The following FMN1 variants were observed in gnomAD, a reference collection of about 807,000 sequenced individuals.
The protein encoded by FMN1 is formin-1.
A neutral mutation model predicts 132.4 loss-of-function variants in FMN1; 110 were observed. That is an observed-to-expected ratio of 0.83 (90% CI 0.71 to 0.97). FMN1 has a LOEUF of 0.97. Ranked by LOEUF, FMN1 falls within the 50% of genes least tolerant of loss-of-function variation. The pLI, the probability that FMN1 is intolerant of heterozygous loss-of-function variation, is 0.00. For missense variants in FMN1, 1,792 were observed against 1,705.3 expected (o/e 1.05, Z -0.90); for synonymous variants, 722 against 651.7 (o/e 1.11, Z -1.64).
intron 6 of FMN1, among the ~76,000 whole-genome samples, chr15:33,047,196 A>G (rs896908449): frequency 1.3e-5 from 2 of 152,148 alleles, no homozygotes; most frequent in African/African-American, 4.8e-5. Flanking sequence ...CCCCACCATG[A>G]GCATCTTCTA....
At chr15:32,930,730 C>T (rs891698179) in intron 9 of FMN1, among the ~76,000 whole-genome samples, 5 of 149,872 alleles carry the variant, frequency 3.3e-5, no homozygotes, top group Admixed American at 6.6e-5. Context: ...TGGGGGGGGG[C>T]GGTCTATGCT....
At chr15:32,830,466 G>C (rs2141155029) in intron 17 of FMN1, among the ~76,000 whole-genome samples, 1 of 152,158 alleles carries the variant, frequency 6.6e-6, no homozygotes, top group Admixed American at 6.5e-5. Context: ...AGATGAATTT[G>C]CTTTTATGAA....
At chr15:33,045,417 G>A (rs763916487) in intron 6 of FMN1, among the ~76,000 whole-genome samples, 4 of 152,246 alleles carry the variant, frequency 2.6e-5, no homozygotes, top group Non-Finnish European at 5.9e-5. Flanking sequence ...CCTGGCCACA[G>A]AGGTTTCTGG....
chr15:33,013,735 A>G (rs1372846004), intron 6 of FMN1, among the ~76,000 whole-genome samples: 1 of 152,230 alleles, frequency 6.6e-6, no homozygotes, highest in Non-Finnish European at 1.5e-5. Flanking sequence ...GTAAATGTTG[A>G]GTCCTAACCC....
chr15:33,113,558 A>T (rs1246460860), intron 4 of FMN1, among the ~76,000 whole-genome samples: 2 of 152,076 alleles, frequency 1.3e-5, no homozygotes, highest in Non-Finnish European at 2.9e-5. Flanking sequence ...CCCCATCTTT[A>T]GTCAATACCT....
At chr15:32,823,204 C>T (rs915243412) in intron 17 of FMN1, among the ~76,000 whole-genome samples, 10 of 140,550 alleles carry the variant, frequency 7.1e-5, no homozygotes, top group Non-Finnish European at 1.4e-4. Flanking sequence ...CTCTATCACC[C>T]AGGCTGGAGT....
In FMN1 at chr15:32,910,525, A is replaced by C; in HGVS notation, c.3237T>G (p.Asn1079Lys). 6.4e-7 allele frequency: 1 copy of C among 1,572,430 alleles called. No individual in the cohort carries two copies. The highest frequency in any genetic ancestry group is 8.6e-7 in the Non-Finnish European group (1 of 1,158,148). The change falls in exon 11 of 21, where the codon AAT becomes AAG. Residue 1079 changes from asparagine to lysine, a missense_variant. Physicochemically the swap from Asn to Lys is moderately conservative, Grantham distance 94. Around this residue, in one of 3 missense-constraint regions of FMN1, gnomAD observed 1,150 missense variants for 1,043.1 expected, o/e 1.10. Coordinates refer to ENST00000616417, the MANE Select transcript of FMN1 (RefSeq NM_001277313.2). Reference protein sequence around the residue: ...EMKDIQQAIFNVDDSVVDLET... With the variant: ...EMKDIQQAIFKVDDSVVDLET... Reference sequence around the variant, plus strand: ...CCAGATCAACCACGGAGTCATCCACATTGAAAATGGCTGCCAAGCACCCAA... The same window carrying C: ...CCAGATCAACCACGGAGTCATCCACCTTGAAAATGGCTGCCAAGCACCCAA...
At chr15:33,042,947 A>G (rs1282729894) in intron 6 of FMN1, among the ~76,000 whole-genome samples, 3 of 152,044 alleles carry the variant, frequency 2.0e-5, no homozygotes, top group South Asian at 2.1e-4. Context: ...ACATATCCTT[A>G]TCCATAACAC....
chr15:33,126,074 T>C (rs999579676), intron 4 of FMN1, among the ~76,000 whole-genome samples: 8 of 152,126 alleles, frequency 5.3e-5, no homozygotes, highest in Admixed American at 5.2e-4. Context: ...TGAAAGGGCT[T>C]TGCAGGTGAT....
In FMN1 at chr15:32,776,973, GA is replaced by G. The variant is rs879154254; in HGVS notation, c.4131-55del. 2.0e-5 allele frequency: 22 copies of G among 1,075,154 alleles called. No homozygotes were observed. The South Asian group carries it at 2.8e-4, about 13-fold the overall frequency. The allele number at this position is 1,075,154 out of a possible 1,614,324, so 66.6% of individuals were successfully genotyped here. ...GAGAGAGGGAAAAGAAAGGAAGAGGGAAAAGGAAAGAAGAAAAGAGTTAAGG... is the reference window on the plus strand; with the variant it reads ...GAGAGAGGGAAAAGAAAGGAAGAGGGAAAGGAAAGAAGAAAAGAGTTAAGG... On this transcript the variant is annotated intron_variant, in intron 19 of 20. Coordinates refer to ENST00000616417, the MANE Select transcript of FMN1 (RefSeq NM_001277313.2).
At chr15:32,868,550 G>A (rs114292674) in intron 16 of FMN1, among the ~76,000 whole-genome samples, 1,991 of 152,210 alleles carry the variant, frequency 0.013, 27 homozygotes, top group African/African-American at 0.046. Context: ...TATCCCAGTT[G>A]TTAAGTGACA....
chr15:32,940,122 T>C (rs944564036), intron 9 of FMN1, among the ~76,000 whole-genome samples: 51 of 152,150 alleles, frequency 3.4e-4, no homozygotes, highest in African/African-American at 1.1e-3. Context: ...CTGAGAACTA[T>C]AGCCATAAAC....
At position 32,904,949 on chromosome 15, in the gene FMN1, C is replaced by A. The variant is rs75019337; in HGVS notation, c.3378-2909G>T. Among the ~76,000 whole-genome samples, 1,189 of 152,306 alleles carry A rather than the reference C, an allele frequency of 7.8e-3. 13 individuals carry two copies. The highest frequency in any genetic ancestry group is 0.027 in the African/African-American group (1,127 of 41,562). ...TCTTAAATATTCCCAAGCATGGGAT[C>A]TTGGACACTGGGCCTTGGTACTTCT... On this transcript the variant is annotated intron_variant, in intron 12 of 20. Transcript: ENST00000616417.
At position 33,154,606 on chromosome 15, in the gene FMN1, G is replaced by A. The variant is rs1566956940; in HGVS notation, c.309C>T (p.Ser103=). The change falls in exon 4 of 21, where the codon AGC becomes AGT. Residue 103 remains serine (S), a synonymous_variant. Coordinates refer to ENST00000616417, the MANE Select transcript of FMN1 (RefSeq NM_001277313.2). ...TCGTGATCCCCAGGATGTGGTCTGA[G>A]CTCAGGAGATTGGTTAGCAGTCTCT... ...ERERLLTNLL[S]SDHILGITMG... The A allele has an allele frequency of 9.8e-6, 15 of 1,535,982 alleles. No individual in the cohort carries two copies. The highest frequency in any genetic ancestry group is 1.2e-5 in the Non-Finnish European group (14 of 1,146,924).
chr15:32,988,330 A>T (rs931971599), intron 7 of FMN1, among the ~76,000 whole-genome samples: 1 of 152,200 alleles, frequency 6.6e-6, no homozygotes, highest in African/African-American at 2.4e-5. Context: ...TTAAAAAACA[A>T]TAAATTTGAA....
At chr15:32,823,930 G>A (rs1369174308) in intron 17 of FMN1, among the ~76,000 whole-genome samples, 3 of 152,222 alleles carry the variant, frequency 2.0e-5, no homozygotes, top group Non-Finnish European at 2.9e-5. Flanking sequence ...ACATCCTACT[G>A]CAAACATAGG....
intron 6 of FMN1, among the ~76,000 whole-genome samples, chr15:33,011,380 A>C (rs1404290991): frequency 6.6e-6 from 1 of 152,130 alleles, no homozygotes; most frequent in East Asian, 1.9e-4. Flanking sequence ...AAAAAGACAA[A>C]ACTGGATCCT....
intron 2 of FMN1, among the ~76,000 whole-genome samples, chr15:33,186,623 A>G (rs1168892632): frequency 1.3e-5 from 2 of 152,206 alleles, no homozygotes; most frequent in East Asian, 1.9e-4. Context: ...ACCTATCTTA[A>G]GTTTCAGTTT....
chr15:32,850,711 C>A (rs2141260932), intron 17 of FMN1, among the ~76,000 whole-genome samples: 1 of 152,274 alleles, frequency 6.6e-6, no homozygotes, highest in Admixed American at 6.5e-5. Context: ...GAATACCCAT[C>A]TATTTATATA....
Sources: gnomAD v4.1 joint callset for allele counts (sites outside exome capture counted in the v4.1 genomes callset) on GRCh38, gnomAD v4.1.1 for gene constraint, gnomAD v4.1.1 regional missense constraint, MANE v1.5 for transcripts, NCBI Gene and HGNC (gene_info 2026-07-23, HGNC 2026-07-21) for gene names.